Variants in ZZZ3 observed in about 807,000 individuals in gnomAD.
ZZZ3 encodes ZZ-type zinc finger-containing protein 3.
A neutral mutation model predicts 95.2 loss-of-function variants in ZZZ3; 22 were observed. The ratio of observed to expected loss-of-function variants is 0.23; its 90% CI spans 0.17 to 0.33. ZZZ3 has a LOEUF of 0.33. Among genes scored for constraint, ZZZ3 ranks in the 10% least tolerant of loss-of-function variants. ZZZ3 has a pLI of 1.00. For synonymous variants in ZZZ3, 335 were observed against 358.9 expected, an observed-to-expected ratio of 0.93 and a Z score of 0.75; for missense variants, 885 against 1,066.5, an observed-to-expected ratio of 0.83 and a Z score of 2.37.
intron 6 of ZZZ3, among the ~76,000 whole-genome samples, 154 bp from the exon 7 acceptor site, chr1:77,582,280 T>G (rs1662600970): frequency 6.6e-6 from 1 of 152,210 alleles, no homozygotes; most frequent in African/African-American, 2.4e-5. Context: ...TAAAGTTAAT[T>G]AATATAGTCT....
At chr1:77,656,523 G>A (rs1003825525) in intron 1 of ZZZ3, among the ~76,000 whole-genome samples, 1 of 152,110 alleles carries the variant, frequency 6.6e-6, no homozygotes, top group Non-Finnish European at 1.5e-5. Context: ...CAATGAGTTA[G>A]GATATTTTAC....
At chr1:77,673,155 T>G (rs1671939869) in intron 1 of ZZZ3, among the ~76,000 whole-genome samples, 1 of 152,206 alleles carries the variant, frequency 6.6e-6, no homozygotes, top group African/African-American at 2.4e-5. Context: ...AAATTAAGCA[T>G]ATCATCCAGG....
At chr1:77,607,001 C>T (rs1423404442) in intron 5 of ZZZ3, among the ~76,000 whole-genome samples, 1 of 152,190 alleles carries the variant, frequency 6.6e-6, no homozygotes, top group African/African-American at 2.4e-5. Context: ...AAACAAGGCA[C>T]CAGGGACCAA....
intron 5 of ZZZ3, among the ~76,000 whole-genome samples, chr1:77,594,896 T>C (rs1464929264): frequency 1.5e-5 from 2 of 136,214 alleles, no homozygotes; most frequent in Non-Finnish European, 3.1e-5. Flanking sequence ...AAGTATAGGA[T>C]GGTATGAACT....
rs916523235 is a variant in ZZZ3 at position 77,632,759 on chromosome 1, T to C, written c.596A>G (p.Tyr199Cys). The C allele has an allele frequency of 1.7e-5, 27 of 1,614,088 alleles. No individual in the cohort carries two copies. The highest frequency in any genetic ancestry group is 1.6e-4 in the Middle Eastern group (1 of 6,084). The change falls in exon 5 of 15, where the codon TAT (tyrosine) becomes TGT (cysteine). Residue 199 changes from tyrosine to cysteine, a missense_variant. By Grantham distance (194) the Tyr-to-Cys change is radical (BLOSUM62 -2). Around this residue, in one of 5 missense-constraint regions of ZZZ3, gnomAD observed 556 missense variants for 652.9 expected, o/e 0.85. Transcript: ENST00000370801. ...NSAVVEEITGYLAVNGVDDSD... is the reference protein window; with the variant it reads ...NSAVVEEITGCLAVNGVDDSD... The stretch of plus-strand genomic sequence containing the variant: ...GTCATCAACACCATTGACAGCCAAA[T>C]AGCCTGTGATTTCTTCAACTACTGC...
chr1:77,599,068 T>C (rs1265790541), intron 5 of ZZZ3, among the ~76,000 whole-genome samples: 2 of 152,136 alleles, frequency 1.3e-5, no homozygotes. Context: ...GTAGTCCTTT[T>C]ATAGAATCAT....
chr1:77,639,557 T>G lies in ZZZ3; in HGVS notation c.-160A>C. The G allele has an allele frequency of 9.7e-7, 1 of 1,030,028 alleles. No individual in the cohort carries two copies. The allele number at this position is 1,030,028 out of a possible 1,614,324, so 63.8% of individuals were successfully genotyped here. ...GAGCTTAAGCATCAGGGTTTCAGAC[T>G]CTCTCAGCTTCAGCCATGAAGAATA... On this transcript the variant is annotated 5_prime_UTR_variant, in exon 4 of 15. Transcript: ENST00000370801.
chr1:77,651,279 G>A (rs1365355264), intron 1 of ZZZ3, among the ~76,000 whole-genome samples: 1 of 152,072 alleles, frequency 6.6e-6, no homozygotes, highest in Non-Finnish European at 1.5e-5. Context: ...CAGCTACTTG[G>A]GAGGCTGAGG....
chr1:77,661,242 G>T (rs1403885181), intron 1 of ZZZ3, among the ~76,000 whole-genome samples: 1 of 151,810 alleles, frequency 6.6e-6, no homozygotes, highest in Non-Finnish European at 1.5e-5. Context: ...GTGAAACCCC[G>T]TCTCTACTAA....
At position 77,565,617 on chromosome 1, in the gene ZZZ3, A is replaced by C; in HGVS notation, c.*23T>G. On this transcript the variant is annotated 3_prime_UTR_variant, in exon 15 of 15. Coordinates refer to ENST00000370801, the MANE Select transcript of ZZZ3 (RefSeq NM_015534.6). ...CCATTGCTATGTGTTGAAGAGGACT[A>C]GTAAATGATGTTCTCTTCCATGTCA... The C allele has an allele frequency of 1.2e-6, 2 of 1,610,096 alleles. No individual in the cohort carries two copies. The highest frequency in any genetic ancestry group is 1.7e-6 in the Non-Finnish European group (2 of 1,177,574).
At chr1:77,614,938 G>A (rs1176968967) in intron 5 of ZZZ3, 1 of 152,116 alleles carries the variant, frequency 6.6e-6, no homozygotes. Context: ...GGTCAGGAGT[G>A]GTAGGCTTTA....
chr1:77,597,428 G>T (rs971387914), intron 5 of ZZZ3, among the ~76,000 whole-genome samples: 3 of 152,094 alleles, frequency 2.0e-5, no homozygotes, highest in Admixed American at 1.3e-4. Context: ...AGTGTGGCCT[G>T]TGCATAGTGA....
chr1:77,595,517 G>A (rs1664132910), intron 5 of ZZZ3, among the ~76,000 whole-genome samples: 1 of 151,910 alleles, frequency 6.6e-6, no homozygotes, highest in Non-Finnish European at 1.5e-5. Context: ...TACAAAATAG[G>A]AGACTCTCTA....
At chr1:77,587,973 TG>T (rs1480988840) in intron 5 of ZZZ3, among the ~76,000 whole-genome samples, 1 of 152,256 alleles carries the variant, frequency 6.6e-6, no homozygotes, top group African/African-American at 2.4e-5. Context: ...TAGCTTACTT[TG>T]TTGAAGGAAT....
At chr1:77,682,085 G>A (rs548613769) in intron 1 of ZZZ3, among the ~76,000 whole-genome samples, 24 of 152,262 alleles carry the variant, frequency 1.6e-4, no homozygotes, top group Admixed American at 1.6e-3. Context: ...GACCACAGGT[G>A]TTGTCAGAGA....
chr1:77,671,076 C>A (rs1416713625), intron 1 of ZZZ3, among the ~76,000 whole-genome samples: 1 of 151,642 alleles, frequency 6.6e-6, no homozygotes, highest in Non-Finnish European at 1.5e-5. Flanking sequence ...CCAGCAACTG[C>A]CGGTCCAACC....
At chr1:77,670,450 G>C (rs1671661270) in intron 1 of ZZZ3, among the ~76,000 whole-genome samples, 1 of 151,884 alleles carries the variant, frequency 6.6e-6, no homozygotes, top group South Asian at 2.1e-4. Context: ...GTAGAGATGG[G>C]GTTTCGCCAT....
intron 5 of ZZZ3, among the ~76,000 whole-genome samples, chr1:77,618,234 T>C (rs923113787): frequency 4.3e-5 from 1 of 23,252 alleles, no homozygotes; most frequent in African/African-American, 8.5e-5. Context: ...CAATGCAGCC[T>C]TTTTTTTTTT....
intron 5 of ZZZ3, among the ~76,000 whole-genome samples, chr1:77,610,768 T>TAA (rs1388913767): frequency 1.4e-5 from 2 of 144,978 alleles, no homozygotes; most frequent in Non-Finnish European, 3.1e-5. Context: ...CCTTCATGAT[T>TAA]AAAAAAAAAA....
Sources: allele counts gnomAD v4.1 joint callset (sites outside exome capture counted in the v4.1 genomes callset), GRCh38; gene constraint gnomAD v4.1.1; regional missense constraint gnomAD v4.1.1; transcripts MANE v1.5; gene names NCBI Gene and HGNC (gene_info 2026-07-23, HGNC 2026-07-21).